The following SGCZ variants were observed in gnomAD, a reference collection of about 807,000 sequenced individuals.
The protein encoded by SGCZ is sarcoglycan zeta.
A neutral mutation model predicts 41.3 loss-of-function variants in SGCZ; 40 were observed. That is an observed-to-expected ratio of 0.97 (90% CI 0.75 to 1.26). SGCZ has a LOEUF of 1.26. Ranked by LOEUF, SGCZ falls within the 50% of genes most tolerant of loss-of-function variation. The pLI, the probability that SGCZ is intolerant of heterozygous loss-of-function variation, is 0.00. For missense variants in SGCZ, 552 were observed against 369.8 expected, an observed-to-expected ratio of 1.49 and a Z score of -4.04; for synonymous variants, 206 against 137.5, an observed-to-expected ratio of 1.50 and a Z score of -3.49.
intron 1 of SGCZ, among the ~76,000 whole-genome samples, chr8:14,625,569 G>C (rs1806427356): frequency 6.6e-6 from 1 of 151,948 alleles, no homozygotes; most frequent in Non-Finnish European, 1.5e-5. Context: ...TATTTCAAAA[G>C]TAGTGTTTTG....
intron 1 of SGCZ, among the ~76,000 whole-genome samples, chr8:14,645,870 T>TA (rs1450510595): frequency 6.6e-6 from 1 of 151,872 alleles, no homozygotes; most frequent in Non-Finnish European, 1.5e-5. Flanking sequence ...TTTACTCAAT[T>TA]AAACTAAATT....
chr8:14,260,309 A>T (rs959012986), intron 3 of SGCZ, among the ~76,000 whole-genome samples: 1 of 151,604 alleles, frequency 6.6e-6, no homozygotes, highest in Non-Finnish European at 1.5e-5. Context: ...CACTTCTCAA[A>T]AGAAGACATT....
intron 3 of SGCZ, among the ~76,000 whole-genome samples, chr8:14,307,365 T>C (rs751667287): frequency 1.3e-5 from 2 of 152,148 alleles, no homozygotes; most frequent in Non-Finnish European, 2.9e-5. Context: ...AAACTTCTAT[T>C]TGCATATCTG....
chr8:14,500,204 T>C (rs1802109784), intron 2 of SGCZ, among the ~76,000 whole-genome samples: 1 of 152,120 alleles, frequency 6.6e-6, no homozygotes. Context: ...AAATATAATA[T>C]ATTTTGACTT....
chr8:15,171,728 C>A (rs1305427687), intron 1 of SGCZ, among the ~76,000 whole-genome samples: 1 of 152,138 alleles, frequency 6.6e-6, no homozygotes, highest in African/African-American at 2.4e-5. Context: ...GGATATCAAG[C>A]CTGTTGTAGA....
chr8:15,208,906 G>C (rs77769036), intron 1 of SGCZ, among the ~76,000 whole-genome samples: 1 of 88,020 alleles, frequency 1.1e-5, no homozygotes, highest in African/African-American at 3.5e-5. Flanking sequence ...TATATATAGA[G>C]AGAGAGAGAG....
intron 1 of SGCZ, among the ~76,000 whole-genome samples, chr8:14,581,204 G>A (rs1450325753): frequency 6.6e-6 from 1 of 152,052 alleles, no homozygotes; most frequent in Non-Finnish European, 1.5e-5. Context: ...TGTCTCCCAG[G>A]TTCAAGCGAT....
chr8:15,041,759 T>TTTTTTTTTTTTTTTTTTTTTTTTTTGAGA (rs1449677366), intron 1 of SGCZ, among the ~76,000 whole-genome samples: 1 of 152,116 alleles, frequency 6.6e-6, no homozygotes, highest in African/African-American at 2.4e-5. Flanking sequence ...ACTTTTTAAT[T>TTTTTTTTTTTTTTTTTTTTTTTTTTGAGA]CTTATATGGG....
intron 1 of SGCZ, among the ~76,000 whole-genome samples, chr8:14,750,059 C>T (rs1366380721): frequency 6.6e-6 from 1 of 152,014 alleles, no homozygotes; most frequent in Admixed American, 6.6e-5. Flanking sequence ...AGCTGGGGCA[C>T]CTTAAGATTA....
intron 4 of SGCZ, among the ~76,000 whole-genome samples, chr8:14,232,792 C>A (rs1031049393): frequency 6.6e-6 from 1 of 152,104 alleles, no homozygotes; most frequent in South Asian, 2.1e-4. Context: ...ATTCAGAATT[C>A]ATTCTTCCAA....
chr8:14,713,310 C>A (rs1224502036), intron 1 of SGCZ, among the ~76,000 whole-genome samples: 6 of 152,134 alleles, frequency 3.9e-5, no homozygotes, highest in African/African-American at 1.4e-4. Context: ...CAGATATTTT[C>A]ATCCATTGTT....
chr8:14,868,767 T>A (rs1483342769), intron 1 of SGCZ, among the ~76,000 whole-genome samples: 2 of 151,868 alleles, frequency 1.3e-5, no homozygotes, highest in African/African-American at 4.8e-5. Context: ...ACTTGAAATA[T>A]AAGGACAGAA....
chr8:14,438,886 CAG>C (rs1471070992), intron 2 of SGCZ, among the ~76,000 whole-genome samples: 2 of 151,942 alleles, frequency 1.3e-5, no homozygotes, highest in African/African-American at 4.8e-5. Flanking sequence ...TTTTAAATGA[CAG>C]AGAGTATATT....
At chr8:15,000,653 A>G (rs1386011924) in intron 1 of SGCZ, among the ~76,000 whole-genome samples, 1 of 152,146 alleles carries the variant, frequency 6.6e-6, no homozygotes, top group East Asian at 1.9e-4. Context: ...GCACCGCTCA[A>G]CTGGAAAGCC....
chr8:14,535,921 C>G (rs1225855583), intron 2 of SGCZ, among the ~76,000 whole-genome samples: 1 of 151,722 alleles, frequency 6.6e-6, no homozygotes, highest in Non-Finnish European at 1.5e-5. Context: ...TACATGGGAA[C>G]TCTATACTAT....
chr8:14,490,427 C>G (rs978887883), intron 2 of SGCZ, among the ~76,000 whole-genome samples: 2 of 151,926 alleles, frequency 1.3e-5, no homozygotes, highest in African/African-American at 4.8e-5. Context: ...TAGGAAATAC[C>G]AATATATTTT....
chr8:14,838,832 T>C (rs921489607), intron 1 of SGCZ, among the ~76,000 whole-genome samples: 1 of 152,082 alleles, frequency 6.6e-6, no homozygotes, highest in Non-Finnish European at 1.5e-5. Flanking sequence ...AAACAGTTCC[T>C]CCGGACTGAT....
rs189607917 is a variant in SGCZ, at chr8:14,252,630, T to G, written c.337-14951A>C. ...TTCTAGAGAAAGTTTGTATTGTACC[T>G]GCTAAGTCCTAGAGATGAGTACAAA... On this transcript the variant is annotated intron_variant, in intron 3 of 7. Coordinates refer to ENST00000382080, the MANE Select transcript of SGCZ (RefSeq NM_139167.4). Among the ~76,000 whole-genome samples the G allele has an allele frequency of 5.4e-3, 828 of 152,238 alleles. 4 individuals are homozygous for G. The highest frequency in any genetic ancestry group is 0.013 in the Admixed American group (199 of 15,286).
At chr8:14,284,245 C>G (rs7018350) in intron 3 of SGCZ, among the ~76,000 whole-genome samples, 110,560 of 152,040 alleles carry the variant, frequency 0.73, 40,567 homozygotes, top group African/African-American at 0.81. Context: ...TTGAAAAGTT[C>G]GCCAAGGGTG....
Sources: gnomAD v4.1 joint callset for allele counts (sites outside exome capture counted in the v4.1 genomes callset) on GRCh38, gnomAD v4.1.1 for gene constraint, MANE v1.5 for transcripts, NCBI Gene and HGNC (gene_info 2026-07-23, HGNC 2026-07-21) for gene names.